SLC9C1: variants seen among roughly 807,000 people sequenced by gnomAD.
SLC9C1 encodes the protein solute carrier family 9 member C1.
Under a neutral mutation model 140.9 loss-of-function variants are expected in SLC9C1, and 97 were observed. The observed-to-expected ratio is 0.69, with a 90% CI of 0.58 to 0.82. SLC9C1 has a LOEUF of 0.82. Among genes scored for constraint, SLC9C1 ranks in the 40% least tolerant of loss-of-function variants. The pLI, the probability that SLC9C1 is intolerant of heterozygous loss-of-function variation, is 0.00. For missense variants in SLC9C1, 1,340 were observed against 1,389.3 expected, an observed-to-expected ratio of 0.96 and a Z score of 0.56; for synonymous variants, 440 against 442.6, an observed-to-expected ratio of 0.99 and a Z score of 0.07.
At chr3:112,259,663 T>C (rs899730523) in intron 10 of SLC9C1, among the ~76,000 whole-genome samples, 2 of 152,032 alleles carry the variant, frequency 1.3e-5, no homozygotes, top group South Asian at 2.1e-4. Context: ...GGAAAAAATA[T>C]CTATCGGGTA....
At chr3:112,212,675 G>C (rs539777868) in intron 15 of SLC9C1, among the ~76,000 whole-genome samples, 61 of 152,264 alleles carry the variant, frequency 4.0e-4, no homozygotes, top group Non-Finnish European at 7.6e-4. Context: ...AAAAAGAAAT[G>C]AATAAAGCCT....
chr3:112,231,336 A>G (rs1442970505), intron 13 of SLC9C1, 25 bp downstream of exon 13: 1 of 1,608,548 alleles, frequency 6.2e-7, no homozygotes, highest in Admixed American at 1.7e-5. Context: ...GCCAAACATA[A>G]TTTCAAAAGA....
At chr3:112,150,769 CATATATATATATAAATACATATACATAT>C (rs11269220) in intron 28 of SLC9C1, among the ~76,000 whole-genome samples, 27,257 of 124,824 alleles carry the variant, frequency 0.22, 4,122 homozygotes, top group Non-Finnish European at 0.32. Flanking sequence ...TATAAAAATA[CATATATATATATAAATACATATACATAT>C]ATATATATAT....
intron 20 of SLC9C1, 51 bp downstream of exon 20, chr3:112,199,270 A>G (rs1290320801): frequency 7.2e-7 from 1 of 1,387,388 alleles, no homozygotes; most frequent in African/African-American, 1.5e-5. Flanking sequence ...GAAGGTCATG[A>G]ATGATTATGT....
intron 20 of SLC9C1, among the ~76,000 whole-genome samples, chr3:112,198,063 C>T (rs1307202928): frequency 6.6e-6 from 1 of 151,986 alleles, no homozygotes; most frequent in African/African-American, 2.4e-5. Context: ...ATATGGCCTA[C>T]ATTATATAAA....
intron 28 of SLC9C1, chr3:112,147,516 A>G: frequency 2.4e-6 from 1 of 422,330 alleles, no homozygotes; most frequent in Non-Finnish European, 4.7e-6. Flanking sequence ...CTTGTCTGGA[A>G]AGTTAATTTT....
chr3:112,235,649 A>G (rs1213248646), intron 12 of SLC9C1, among the ~76,000 whole-genome samples: 2 of 152,110 alleles, frequency 1.3e-5, no homozygotes, highest in African/African-American at 4.8e-5. Context: ...AATACGTCCC[A>G]TCAATACTAT....
intron 23 of SLC9C1, among the ~76,000 whole-genome samples, chr3:112,174,539 G>A (rs1005375899): frequency 6.6e-6 from 1 of 152,126 alleles, no homozygotes; most frequent in African/African-American, 2.4e-5. Context: ...CCTCTCCCTG[G>A]GCAACCTCTG....
intron 23 of SLC9C1, among the ~76,000 whole-genome samples, chr3:112,175,937 G>A (rs1193006263): frequency 1.3e-5 from 2 of 152,226 alleles, no homozygotes; most frequent in Non-Finnish European, 2.9e-5. Context: ...ATCATGTGAT[G>A]TACCACGGTC....
chr3:112,263,235 A>C (rs1313993595), intron 9 of SLC9C1, 137 bp from the exon 10 acceptor site: 4 of 619,694 alleles, frequency 6.5e-6, no homozygotes, highest in Non-Finnish European at 1.0e-5. Flanking sequence ...CACTGTTGAC[A>C]TGACACCAAA....
intron 12 of SLC9C1, among the ~76,000 whole-genome samples, chr3:112,235,099 C>G (rs1036710292): frequency 6.9e-6 from 1 of 145,124 alleles, no homozygotes; most frequent in Non-Finnish European, 1.5e-5. Flanking sequence ...TTGATTCTTC[C>G]TATCCATGAG....
At chr3:112,246,938 C>T (rs2079302608) in intron 10 of SLC9C1, among the ~76,000 whole-genome samples, 1 of 152,168 alleles carries the variant, frequency 6.6e-6, no homozygotes, top group South Asian at 2.1e-4. Flanking sequence ...CAGGAAGCTG[C>T]TGAGAATAGC....
chr3:112,190,404 A>G (rs892627212), intron 20 of SLC9C1, among the ~76,000 whole-genome samples: 7 of 152,116 alleles, frequency 4.6e-5, no homozygotes, highest in African/African-American at 1.7e-4. Context: ...TTTGAGATAC[A>G]TTCCATCAAT....
At chr3:112,251,149 G>A (rs2079445550) in intron 10 of SLC9C1, among the ~76,000 whole-genome samples, 1 of 152,076 alleles carries the variant, frequency 6.6e-6, no homozygotes, top group South Asian at 2.1e-4. Flanking sequence ...GAAGGGGTGA[G>A]TAAATACAGT....
chr3:112,211,008 A>C (rs1428827831), intron 15 of SLC9C1, among the ~76,000 whole-genome samples: 1 of 152,160 alleles, frequency 6.6e-6, no homozygotes, highest in African/African-American at 2.4e-5. Context: ...GTGGTACCAA[A>C]ATTTGTGGTG....
intron 6 of SLC9C1, among the ~76,000 whole-genome samples, chr3:112,274,428 C>T (rs2080159692): frequency 6.6e-6 from 1 of 152,138 alleles, no homozygotes; most frequent in Non-Finnish European, 1.5e-5. Context: ...CCTCTGCTTA[C>T]AAGCACTATT....
chr3:112,222,402 G>T (rs1454808762), intron 13 of SLC9C1, among the ~76,000 whole-genome samples: 1 of 152,038 alleles, frequency 6.6e-6, no homozygotes, highest in Non-Finnish European at 1.5e-5. Flanking sequence ...ACAGAGCAGA[G>T]AAATCCAATC....
At chr3:112,237,094 G>T (rs1248741462) in intron 12 of SLC9C1, among the ~76,000 whole-genome samples, 1 of 152,140 alleles carries the variant, frequency 6.6e-6, no homozygotes, top group Non-Finnish European at 1.5e-5. Flanking sequence ...TATTGTGTGG[G>T]AGTCTAAGTC....
At chr3:112,278,703 T>C (rs1294610474) in intron 4 of SLC9C1, 26 bp downstream of exon 4, 1 of 1,576,646 alleles carries the variant, frequency 6.3e-7, no homozygotes, top group Non-Finnish European at 8.6e-7. Flanking sequence ...CATGAATGAA[T>C]GATATTACCA....
Sources: allele counts gnomAD v4.1 joint callset (sites outside exome capture counted in the v4.1 genomes callset), GRCh38; gene constraint gnomAD v4.1.1; transcripts MANE v1.5; gene names NCBI Gene and HGNC (gene_info 2026-07-23, HGNC 2026-07-21).